LIMCH1: variants seen among roughly 807,000 people sequenced by gnomAD.
LIMCH1 encodes the protein LIM and calponin homology domains-containing protein 1.
Under a neutral mutation model 176.5 loss-of-function variants are expected in LIMCH1, and 113 were observed. The ratio of observed to expected loss-of-function variants is 0.64; its 90% CI spans 0.55 to 0.75. The LOEUF is 0.75. LIMCH1 is among the 30% of genes least tolerant of loss of function. The pLI is 0.00. For missense variants in LIMCH1, 1,674 were observed against 1,814.9 expected, an observed-to-expected ratio of 0.92 and a Z score of 1.41; for synonymous variants, 619 against 645.9, an observed-to-expected ratio of 0.96 and a Z score of 0.63.
At chr4:41,393,490 T>C (rs1287027516) in intron 1 of LIMCH1, among the ~76,000 whole-genome samples, 1 of 152,264 alleles carries the variant, frequency 6.6e-6, no homozygotes, top group Non-Finnish European at 1.5e-5. Context: ...AAAGGCAATC[T>C]CTTTAAATGT....
chr4:41,505,972 T>C (rs2074113641), intron 2 of LIMCH1, among the ~76,000 whole-genome samples: 1 of 103,096 alleles, frequency 9.7e-6, no homozygotes, highest in Non-Finnish European at 1.9e-5. Flanking sequence ...ACACACACTT[T>C]GTATAAACAA....
intron 1 of LIMCH1, among the ~76,000 whole-genome samples, chr4:41,438,065 G>A (rs948397199): frequency 1.3e-5 from 2 of 152,162 alleles, no homozygotes; most frequent in African/African-American, 4.8e-5. Flanking sequence ...CAGGATAGCT[G>A]TTTTCCCCAA....
chr4:41,684,997 C>A (rs1719490523), intron 27 of LIMCH1, among the ~76,000 whole-genome samples: 2 of 152,102 alleles, frequency 1.3e-5, no homozygotes, highest in Admixed American at 6.6e-5. Flanking sequence ...CAAATGTATT[C>A]CTCGCAAAAA....
chr4:41,549,762 C>G (rs2080124108), intron 1 of LIMCH1, among the ~76,000 whole-genome samples: 1 of 152,022 alleles, frequency 6.6e-6, no homozygotes, highest in African/African-American at 2.4e-5. Flanking sequence ...AAGAAGGATA[C>G]TTTTGCTTTC....
intron 1 of LIMCH1, among the ~76,000 whole-genome samples, chr4:41,580,630 G>A (rs2085260365): frequency 6.6e-6 from 1 of 151,738 alleles, no homozygotes; most frequent in South Asian, 2.1e-4. Context: ...GAAATAAAGA[G>A]AAACAAAATA....
chr4:41,421,418 C>CTA (rs1297516778), intron 1 of LIMCH1, among the ~76,000 whole-genome samples: 2 of 152,138 alleles, frequency 1.3e-5, no homozygotes, highest in East Asian at 3.9e-4. Flanking sequence ...AGTAATCTTC[C>CTA]TACTTTTTCT....
intron 25 of LIMCH1, 29 bp from the exon 26 acceptor site, chr4:41,682,304 C>A: frequency 6.3e-7 from 1 of 1,577,590 alleles, no homozygotes. Flanking sequence ...AAAATTTATA[C>A]TTAAGATTTT....
chr4:41,591,242 TCTTG>T (rs1030609239), intron 1 of LIMCH1, among the ~76,000 whole-genome samples: 4 of 150,336 alleles, frequency 2.7e-5, no homozygotes, highest in Admixed American at 6.6e-5. Context: ...TTTCTTTCTT[TCTTG>T]CTTGCTTGCT....
chr4:41,566,244 C>T (rs985183032), intron 1 of LIMCH1, among the ~76,000 whole-genome samples: 1 of 152,152 alleles, frequency 6.6e-6, no homozygotes, highest in Non-Finnish European at 1.5e-5. Context: ...GAGCCTCCCC[C>T]AAGAATCACA....
intron 1 of LIMCH1, among the ~76,000 whole-genome samples, chr4:41,394,711 G>C (rs1433454047): frequency 1.3e-5 from 2 of 152,250 alleles, no homozygotes; most frequent in East Asian, 3.9e-4. Flanking sequence ...CACCTAAATA[G>C]CTCTCTTCAT....
In LIMCH1 at chr4:41,603,878, C is replaced by A. The variant is rs756519702; in HGVS notation, c.-130C>A. The A allele has an allele frequency of 1.8e-5, 29 of 1,604,590 alleles. No homozygotes were observed. The South Asian group carries it at 2.9e-4, about 16-fold the overall frequency. ...TCTTTTCCCTTTCCTTGACTAGGAGCCTTGATTATAGTAGGAAGCTGAAAA... is the reference window on the plus strand; with the variant it reads ...TCTTTTCCCTTTCCTTGACTAGGAGACTTGATTATAGTAGGAAGCTGAAAA... On this transcript the variant is annotated 5_prime_UTR_variant, in exon 3 of 32. Coordinates refer to ENST00000503057, the MANE Select transcript of LIMCH1 (RefSeq NM_001330672.2).
chr4:41,677,931 C>T (rs995783174), intron 23 of LIMCH1, among the ~76,000 whole-genome samples: 2 of 151,624 alleles, frequency 1.3e-5, no homozygotes, highest in South Asian at 4.2e-4. Context: ...CTTTTTTTGA[C>T]GTTTGTTCAT....
intron 30 of LIMCH1, among the ~76,000 whole-genome samples, chr4:41,690,653 T>C (rs528654156): frequency 6.6e-6 from 1 of 152,300 alleles, no homozygotes; most frequent in East Asian, 1.9e-4. Flanking sequence ...GGGTTTAAAA[T>C]AACTCCCACT....
At chr4:41,392,760 A>G (rs1379029538) in intron 1 of LIMCH1, among the ~76,000 whole-genome samples, 2 of 139,432 alleles carry the variant, frequency 1.4e-5, no homozygotes, top group Non-Finnish European at 3.0e-5. Context: ...GGCCAGGCGC[A>G]GTGGCTTACC....
rs527410446 is a variant in LIMCH1 at position 41,678,337 on chromosome 4, T to A, written c.3520-1669T>A. ...GTGGTAGTGTGGTTTTGGCTCTGCCTGTTAAGTTTGGCATTTTGTAACTTG... is the reference window on the plus strand; with the variant it reads ...GTGGTAGTGTGGTTTTGGCTCTGCCAGTTAAGTTTGGCATTTTGTAACTTG... On this transcript the variant is annotated intron_variant, in intron 23 of 31. Coordinates refer to ENST00000503057, the MANE Select transcript of LIMCH1 (RefSeq NM_001330672.2). 1.4e-4 allele frequency among the ~76,000 whole-genome samples: 22 copies of A among 152,288 alleles called. No individual in the cohort carries two copies. The South Asian group carries it at 4.6e-3, about 32-fold the overall frequency.
intron 1 of LIMCH1, among the ~76,000 whole-genome samples, chr4:41,419,604 GTCCTTCCTTCCTTCCT>G (rs771746018): frequency 4.2e-5 from 2 of 47,268 alleles, no homozygotes; most frequent in South Asian, 1.1e-3. Context: ...CCTTCCTTCC[GTCCTTCCTTCCTTCCT>G]TCCTTCCTTC....
At chr4:41,544,097 C>T (rs1298877806) in intron 1 of LIMCH1, among the ~76,000 whole-genome samples, 1 of 151,912 alleles carries the variant, frequency 6.6e-6, no homozygotes, top group East Asian at 1.9e-4. Context: ...CCCCACCAAG[C>T]CTTCTCAATT....
chr4:41,529,627 G>GCCAC lies in LIMCH1; in HGVS notation c.237+5152_237+5155dup, dbSNP rs557173220. On this transcript the variant is annotated intron_variant, in intron 3 of 26. Coordinates refer to the LIMCH1 transcript ENST00000313860. ...AAGATGAGATGGATCCCGAGCCCTGGCCACCCCTCTCCTTGGTTATTACAT... is the reference window on the plus strand; with the variant it reads ...AAGATGAGATGGATCCCGAGCCCTGGCCACCCACCCCTCTCCTTGGTTATTACAT... Among the ~76,000 whole-genome samples, 420 of 152,264 alleles carry GCCAC rather than the reference G, an allele frequency of 2.8e-3. 2 individuals are homozygous for GCCAC. Among genetic ancestry groups the GCCAC allele is most frequent in the Middle Eastern group, 6.8e-3 (2 of 294 alleles).
At chr4:41,558,304 T>C (rs1000363109) in intron 1 of LIMCH1, among the ~76,000 whole-genome samples, 5 of 152,202 alleles carry the variant, frequency 3.3e-5, no homozygotes, top group Middle Eastern at 3.4e-3. Context: ...ATGAGATGCC[T>C]GCCTTAGATC....
Sources: allele counts gnomAD v4.1 joint callset (sites outside exome capture counted in the v4.1 genomes callset), GRCh38; gene constraint gnomAD v4.1.1; transcripts MANE v1.5; gene names NCBI Gene and HGNC (gene_info 2026-07-23, HGNC 2026-07-21).